The following NGF variants were observed in gnomAD, a reference collection of about 807,000 sequenced individuals.
The protein encoded by NGF is beta-nerve growth factor.
NGF carries 4 observed loss-of-function variants against 12.8 expected under a neutral mutation model. The ratio of observed to expected loss-of-function variants is 0.31; its 90% confidence interval spans 0.15 to 0.72. NGF has a LOEUF of 0.72. Among genes scored for constraint, NGF ranks in the 30% least tolerant of loss-of-function variants. The pLI is 0.69. For missense variants in NGF, 283 were observed against 330.8 expected, an observed-to-expected ratio of 0.86 and a Z score of 1.12; for synonymous variants, 140 against 130.0, an observed-to-expected ratio of 1.08 and a Z score of -0.52.
intron 1 of NGF, among the ~76,000 whole-genome samples, chr1:115,305,767 C>T (rs12402406): frequency 0.093 from 14,075 of 152,104 alleles, 1,046 homozygotes; most frequent in East Asian, 0.31. Context: ...GAAGTTGTTC[C>T]TTACTGAGAA....
chr1:115,317,187 C>A (rs146399878), intron 1 of NGF, among the ~76,000 whole-genome samples: 1 of 151,750 alleles, frequency 6.6e-6, no homozygotes, highest in African/African-American at 2.4e-5. Flanking sequence ...AATGTGATGG[C>A]GCTTGCGTGG....
intron 2 of NGF, among the ~76,000 whole-genome samples, chr1:115,291,227 T>C (rs2300694): frequency 0.47 from 71,670 of 151,476 alleles, 17,998 homozygotes; most frequent in South Asian, 0.56. Flanking sequence ...CTATAAACTT[T>C]TAAGTTTAAA....
At chr1:115,291,333 T>G (rs1378706544) in intron 2 of NGF, among the ~76,000 whole-genome samples, 1 of 152,206 alleles carries the variant, frequency 6.6e-6, no homozygotes, top group Non-Finnish European at 1.5e-5. Context: ...AGAACATTCT[T>G]TTTATTTTTG....
intron 1 of NGF, among the ~76,000 whole-genome samples, chr1:115,335,101 G>A (rs1210238668): frequency 6.6e-6 from 1 of 152,124 alleles, no homozygotes; most frequent in African/African-American, 2.4e-5. Context: ...AAAACATCAC[G>A]AACCACCAGA....
intron 1 of NGF, among the ~76,000 whole-genome samples, chr1:115,314,348 G>C (rs958972852): frequency 6.6e-5 from 10 of 152,128 alleles, no homozygotes; most frequent in African/African-American, 2.4e-4. Flanking sequence ...GCACCTCCCT[G>C]TTTTCCTCAT....
intron 1 of NGF, among the ~76,000 whole-genome samples, chr1:115,299,331 A>T (rs1426116377): frequency 6.6e-6 from 1 of 152,172 alleles, no homozygotes; most frequent in Non-Finnish European, 1.5e-5. Context: ...AACCCTTTCT[A>T]GCACTTCCCC....
At chr1:115,337,919 G>A (rs1191344530) in intron 1 of NGF, among the ~76,000 whole-genome samples, 3 of 152,192 alleles carry the variant, frequency 2.0e-5, no homozygotes, top group African/African-American at 7.2e-5. Flanking sequence ...GCTTCTGCAG[G>A]CGCCAGGGCT....
rs754238855 is a variant in NGF, at chr1:115,286,646, T to C, written c.150A>G (p.Arg50=). ...LQHSLDTALR[R]ARSAPAAAIA... is the part of the protein sequence containing the mutation. ...TCGCCGCTGCCGGGGCGCTGCGGGCTCTGCGAAGGGCAGTGTCAAGGGAAT... is the reference window on the plus strand; with the variant it reads ...TCGCCGCTGCCGGGGCGCTGCGGGCCCTGCGAAGGGCAGTGTCAAGGGAAT... Residue 50 remains arginine (R), a synonymous_variant, in exon 3 of 3, where the codon AGA becomes AGG. Coordinates refer to ENST00000369512, the MANE Select transcript of NGF (RefSeq NM_002506.3). The C allele has an allele frequency of 1.3e-5, 21 of 1,614,220 alleles. No homozygotes were observed. In the East Asian group the frequency reaches 4.2e-4, roughly 33 times the overall value.
chr1:115,315,923 A>G (rs1270435144), intron 1 of NGF, among the ~76,000 whole-genome samples: 1 of 152,104 alleles, frequency 6.6e-6, no homozygotes, highest in Admixed American at 6.6e-5. Context: ...TCCCGAAGGT[A>G]TTCTGTCTTA....
chr1:115,332,212 T>C (rs1341928656), intron 1 of NGF, among the ~76,000 whole-genome samples: 1 of 152,206 alleles, frequency 6.6e-6, no homozygotes, highest in African/African-American at 2.4e-5. Context: ...TTAGAGAGCA[T>C]TGCATAACAT....
chr1:115,310,463 T>C (rs12048019), intron 1 of NGF, among the ~76,000 whole-genome samples: 17,538 of 152,188 alleles, frequency 0.12, 1,284 homozygotes, highest in East Asian at 0.31. Flanking sequence ...TCAGGGGCAA[T>C]CAGTGTTGCT....
intron 1 of NGF, among the ~76,000 whole-genome samples, chr1:115,295,710 A>G (rs778318095): frequency 2.0e-5 from 3 of 152,140 alleles, no homozygotes; most frequent in Non-Finnish European, 4.4e-5. Context: ...GGCACAGATG[A>G]CAGCTAAGGT....
At chr1:115,308,199 C>T (rs559044132) in intron 1 of NGF, among the ~76,000 whole-genome samples, 4 of 152,340 alleles carry the variant, frequency 2.6e-5, no homozygotes, top group African/African-American at 9.6e-5. Flanking sequence ...GCTGGGGCTG[C>T]AGAGAGGCTG....
chr1:115,333,674 TTTC>T (rs1654998754), intron 1 of NGF, among the ~76,000 whole-genome samples: 2 of 63,476 alleles, frequency 3.2e-5, no homozygotes, highest in African/African-American at 3.9e-4. Context: ...TCTTTCTTTC[TTTC>T]TTTCTTTCTT....
At chr1:115,318,496 A>C (rs1654530383) in intron 1 of NGF, among the ~76,000 whole-genome samples, 1 of 152,198 alleles carries the variant, frequency 6.6e-6, no homozygotes, top group Admixed American at 6.5e-5. Context: ...GCATAGGGCG[A>C]AGGAGGAAGC....
Position 115,314,668 on chromosome 1 carries a change from C to A in NGF, c.-136-20918G>T, listed in dbSNP as rs184728224. Among the ~76,000 whole-genome samples the A allele has an allele frequency of 3.1e-3, 468 of 152,228 alleles. 4 individuals carry two copies. Among genetic ancestry groups the A allele is most frequent in the Non-Finnish European group, 3.1e-3 (214 of 68,032 alleles). On this transcript the variant is annotated intron_variant, in intron 1 of 2. Coordinates refer to ENST00000369512, the MANE Select transcript of NGF (RefSeq NM_002506.3). ...GCACACAAACAGCTAAGCTGAAATA[C>A]AGAATGAAAGTTTATTGTTGATTCA...
At chr1:115,289,052 C>G (rs1190675250) in intron 2 of NGF, among the ~76,000 whole-genome samples, 1 of 152,172 alleles carries the variant, frequency 6.6e-6, no homozygotes, top group Non-Finnish European at 1.5e-5. Flanking sequence ...TCTGTTTGCT[C>G]CAGTTCTCCA....
intron 1 of NGF, among the ~76,000 whole-genome samples, chr1:115,302,650 G>A (rs1019739184): frequency 2.0e-5 from 3 of 152,224 alleles, no homozygotes; most frequent in Non-Finnish European, 4.4e-5. Flanking sequence ...GTCTGTAAAG[G>A]AAGCTGCACC....
intron 1 of NGF, among the ~76,000 whole-genome samples, chr1:115,337,275 T>TG (rs1655150263): frequency 1.5e-5 from 1 of 67,504 alleles, no homozygotes. Flanking sequence ...TTGTTTTTTT[T>TG]TTTTTTTTTT....
Sources: allele counts gnomAD v4.1 joint callset (sites outside exome capture counted in the v4.1 genomes callset), GRCh38; gene constraint gnomAD v4.1.1; transcripts MANE v1.5; gene names NCBI Gene and HGNC (gene_info 2026-07-23, HGNC 2026-07-21).